Variants in NGEF observed in about 807,000 individuals in gnomAD.
NGEF encodes neuronal guanine nucleotide exchange factor.
In NGEF, 31 loss-of-function variants were observed where a neutral mutation model predicts 80.9. That is an observed-to-expected ratio of 0.38 (90% confidence interval 0.29 to 0.52). NGEF has a LOEUF of 0.52. Ranked by LOEUF, NGEF falls within the 20% of genes least tolerant of loss-of-function variation. NGEF has a pLI of 0.84. For missense variants in NGEF, 709 were observed against 926.2 expected (o/e 0.77, Z 3.04); for synonymous variants, 371 against 370.2 (o/e 1.00, Z -0.03).
intron 5 of NGEF, among the ~76,000 whole-genome samples, chr2:232,918,643 T>G (rs1282044123): frequency 2.0e-5 from 3 of 150,548 alleles, no homozygotes; most frequent in Non-Finnish European, 4.4e-5. Context: ...TTTTTTTTTT[T>G]TTTTTTTTTT....
chr2:233,001,011 C>G (rs1035164202), intron 1 of NGEF, among the ~76,000 whole-genome samples: 89 of 152,180 alleles, frequency 5.8e-4, no homozygotes, highest in Admixed American at 1.2e-3. Flanking sequence ...CTTCCTGTTC[C>G]CGAGCCCCTT....
At chr2:233,004,466 C>G (rs1169603578) in intron 1 of NGEF, among the ~76,000 whole-genome samples, 1 of 152,236 alleles carries the variant, frequency 6.6e-6, no homozygotes, top group Non-Finnish European at 1.5e-5. Flanking sequence ...AGGAGCTGCC[C>G]TTCAGCCCCC....
At chr2:232,930,062 A>G (rs762816878) in intron 3 of NGEF, among the ~76,000 whole-genome samples, 5 of 151,992 alleles carry the variant, frequency 3.3e-5, no homozygotes, top group Non-Finnish European at 5.9e-5. Context: ...AGTCCATTAA[A>G]TCTCTTTTTC....
At chr2:232,973,967 G>A (rs183848802) in intron 2 of NGEF, among the ~76,000 whole-genome samples, 1 of 152,140 alleles carries the variant, frequency 6.6e-6, no homozygotes, top group Non-Finnish European at 1.5e-5. Context: ...GGCAGCTGCT[G>A]TGCCTCCCGG....
chr2:232,901,296 T>C (rs1692347720), intron 5 of NGEF: 1 of 909,648 alleles, frequency 1.1e-6, no homozygotes. Flanking sequence ...CGCACTCGGA[T>C]CAACCCTGCG....
chr2:232,878,927 AGCCAGAGGCT>A lies in NGEF; in HGVS notation c.*552_*561del, dbSNP rs1325550797. 6.5e-6 allele frequency: 1 copy of A among 152,710 alleles called. No individual in the cohort carries two copies. The highest frequency in any genetic ancestry group is 1.9e-4 in the East Asian group (1 of 5,194). The allele number at this position is 152,710 out of a possible 1,614,324, so 9.5% of individuals were successfully genotyped here. A position where few individuals can be genotyped will look rare whatever the true frequency, so the allele number is the denominator to read the frequency against. ...GCCATGGGGCAGGGCCTGACCGTGC[AGCCAGAGGCT>A]GGCAGAGGCCTGGGGAAGGGTGGGC... On this transcript the variant is annotated 3_prime_UTR_variant, in exon 15 of 15. Transcript: ENST00000264051.
intron 5 of NGEF, among the ~76,000 whole-genome samples, chr2:232,916,401 C>T (rs1692804154): frequency 6.6e-6 from 1 of 152,162 alleles, no homozygotes; most frequent in Non-Finnish European, 1.5e-5. Context: ...AGTTGGGCAC[C>T]AGTGGCTGTG....
At position 233,012,601 on chromosome 2, in the gene NGEF, G is replaced by A. The variant is rs556290744; in HGVS notation, c.-75+467C>T. 3.3e-4 allele frequency: 107 copies of A among 319,466 alleles called. 2 individuals are homozygous for A. The highest frequency in any genetic ancestry group is 2.4e-3 in the South Asian group (94 of 39,778). The allele number at this position is 319,466 out of a possible 1,614,324, so 19.8% of individuals were successfully genotyped here. A position where few individuals can be genotyped will look rare whatever the true frequency, so the allele number is the denominator to read the frequency against. ...TCAGGGCACTTCCGTTTACATATAC[G>A]CTCATTATCAGGACTGGCGTCGTGG... On this transcript the variant is annotated intron_variant, in intron 1 of 14. Transcript: ENST00000264051.
intron 1 of NGEF, among the ~76,000 whole-genome samples, chr2:232,996,330 GACAACAACAACAACAACACAA>G (rs1694845985): frequency 6.6e-6 from 1 of 151,956 alleles, no homozygotes; most frequent in African/African-American, 2.4e-5. Context: ...TTTGTCTCAA[GACAACAACAACAACAACACAA>G]ACAACAACAA....
At chr2:232,910,681 T>C (rs775581307) in intron 5 of NGEF, among the ~76,000 whole-genome samples, 16 of 152,206 alleles carry the variant, frequency 1.1e-4, no homozygotes, top group Non-Finnish European at 2.1e-4. Flanking sequence ...TCACCAGCCA[T>C]GTAGGAGAGT....
intron 1 of NGEF, among the ~76,000 whole-genome samples, chr2:232,998,817 G>T (rs1470414540): frequency 1.3e-5 from 2 of 152,108 alleles, no homozygotes; most frequent in Non-Finnish European, 2.9e-5. Flanking sequence ...GCAGGACTCC[G>T]GGCCAGGTCT....
chr2:232,901,390 C>G (rs747918053), intron 5 of NGEF: 3 of 985,354 alleles, frequency 3.0e-6, no homozygotes, highest in African/African-American at 1.7e-5. Context: ...ATCCAGGGTT[C>G]GCCGTGGACC....
At position 233,001,231 on chromosome 2, in the gene NGEF, A is replaced by G. The variant is rs531192278; in HGVS notation, c.-75+11837T>C. Among the ~76,000 whole-genome samples, 39 of 152,312 alleles carry G rather than the reference A, an allele frequency of 2.6e-4. No individual in the cohort carries two copies. The East Asian group carries it at 6.2e-3, about 24-fold the overall frequency. On this transcript the variant is annotated intron_variant, in intron 1 of 14. Coordinates refer to ENST00000264051, the MANE Select transcript of NGEF (RefSeq NM_019850.3). ...TTGAGTGCAACCGTGGCAGGTTCCTAGGCATGAGACAGACCTCTCGCTCAG... is the reference window on the plus strand; with the variant it reads ...TTGAGTGCAACCGTGGCAGGTTCCTGGGCATGAGACAGACCTCTCGCTCAG...
chr2:232,961,002 G>A (rs927344529), intron 3 of NGEF, among the ~76,000 whole-genome samples: 1 of 152,128 alleles, frequency 6.6e-6, no homozygotes, highest in African/African-American at 2.4e-5. Flanking sequence ...CAATGATTGT[G>A]CTTTCCTCCT....
intron 1 of NGEF, among the ~76,000 whole-genome samples, chr2:232,986,241 C>T (rs1694529311): frequency 6.6e-6 from 1 of 152,198 alleles, no homozygotes; most frequent in South Asian, 2.1e-4. Flanking sequence ...GGGAAAAGGG[C>T]ACCCTTGTGT....
At chr2:232,992,973 C>T (rs1001450280) in intron 1 of NGEF, among the ~76,000 whole-genome samples, 4 of 140,560 alleles carry the variant, frequency 2.8e-5, no homozygotes, top group Non-Finnish European at 4.5e-5. Flanking sequence ...GGTGATAGAG[C>T]GAGACCCTGC....
intron 3 of NGEF, among the ~76,000 whole-genome samples, chr2:232,946,116 G>T (rs1243178508): frequency 6.6e-6 from 1 of 151,512 alleles, no homozygotes; most frequent in Non-Finnish European, 1.5e-5. Flanking sequence ...AAAAAGGAAT[G>T]AATTAATGGC....
Position 232,986,501 on chromosome 2 carries a change from G to A in NGEF, c.-74-11537C>T, listed in dbSNP as rs140142915. 3.7e-4 allele frequency among the ~76,000 whole-genome samples: 57 copies of A among 152,352 alleles called. No homozygotes were observed. The East Asian group carries it at 8.7e-3, about 23-fold the overall frequency. On this transcript the variant is annotated intron_variant, in intron 1 of 14. Transcript: ENST00000264051. Reference sequence around the variant, plus strand: ...GATAAAGAAATTGTGGTACATATATGTGGTGGAATATCATTCAGCCATAAA... The same window carrying A: ...GATAAAGAAATTGTGGTACATATATATGGTGGAATATCATTCAGCCATAAA...
intron 1 of NGEF, among the ~76,000 whole-genome samples, chr2:232,978,098 G>T (rs895065920): frequency 6.6e-6 from 1 of 152,038 alleles, no homozygotes; most frequent in African/African-American, 2.4e-5. Flanking sequence ...TTGCTAACAG[G>T]CATCTTCCGG....
Sources: allele counts gnomAD v4.1 joint callset (sites outside exome capture counted in the v4.1 genomes callset), GRCh38; gene constraint gnomAD v4.1.1; transcripts MANE v1.5; gene names NCBI Gene and HGNC (gene_info 2026-07-23, HGNC 2026-07-21).